The following SH2B3 variants were observed in gnomAD, a reference collection of about 807,000 sequenced individuals.
SH2B3 encodes the protein SH2B adaptor protein 3.
SH2B3 carries 43 observed loss-of-function variants against 51.9 expected under a neutral mutation model. The ratio of observed to expected loss-of-function variants is 0.83; its 90% CI spans 0.65 to 1.07. The LOEUF (loss-of-function observed/expected upper bound fraction) is 1.07. Ranked by LOEUF, SH2B3 falls within the 50% of genes least tolerant of loss-of-function variation. SH2B3 has a pLI of 0.00. For missense variants in SH2B3, 952 were observed against 834.3 expected (o/e 1.14, Z -1.74); for synonymous variants, 396 against 376.0 (o/e 1.05, Z -0.62).
chr12:111,418,610 A>C lies in SH2B3; in HGVS notation c.465A>C (p.Pro155=). The part of the protein sequence containing the change: ...IFRRRSAGEL[P]AAHTAAAPGT... ...GCCGCCGCTCGGCCGGGGAGCTGCC[A>C]GCGGCCCACACCGCTGCCGCCCCCG... The change falls in exon 2 of 8, where the codon CCA becomes CCC. Residue 155 remains proline (P), a synonymous_variant. Coordinates refer to ENST00000341259, the MANE Select transcript of SH2B3 (RefSeq NM_005475.3). This position sits in a 1 kb window ranked among gnomAD's most constrained non-coding sequence, Gnocchi z 6.7. 6.7e-7 allele frequency: 1 copy of C among 1,488,954 alleles called. No homozygotes were observed. Among genetic ancestry groups the C allele is most frequent in the African/African-American group, 1.5e-5 (1 of 68,274 alleles). 92.2% of individuals were successfully genotyped at this position (1,488,954 alleles called of 1,614,324 possible).
chr12:111,420,917 G>A (rs918811967), intron 2 of SH2B3, among the ~76,000 whole-genome samples: 9 of 152,198 alleles, frequency 5.9e-5, no homozygotes, highest in South Asian at 2.1e-4. Context: ...ACTGACTGTG[G>A]CGTAACATGC....
chr12:111,426,916 G>T (rs1679445947), intron 2 of SH2B3, among the ~76,000 whole-genome samples: 1 of 152,054 alleles, frequency 6.6e-6, no homozygotes. Flanking sequence ...CAAGCCCTTG[G>T]CCCCCTGCTG....
intron 2 of SH2B3, among the ~76,000 whole-genome samples, chr12:111,433,178 C>G (rs1270143395): frequency 6.6e-6 from 1 of 152,100 alleles, no homozygotes; most frequent in Non-Finnish European, 1.5e-5. Flanking sequence ...ATGGTGAAAC[C>G]CTGTCTCTAC....
intron 2 of SH2B3, among the ~76,000 whole-genome samples, chr12:111,430,320 C>T (rs1289197984): frequency 2.6e-5 from 4 of 152,186 alleles, no homozygotes; most frequent in African/African-American, 7.2e-5. Context: ...AACCCCCGAC[C>T]GCGCTGAAAC....
chr12:111,406,828 A>AG lies in SH2B3; in HGVS notation c.-28+553dup, dbSNP rs1870287593. ...CTGCACTGCCGAGGTCGACCGGGCC[A>AG]GGCCCCCGCATGCTGCTGAATTGGG... On this transcript the variant is annotated intron_variant, in intron 1 of 7. Transcript: ENST00000341259. This position sits in a 1 kb window ranked among gnomAD's most constrained non-coding sequence, Gnocchi z 5.7. Among the ~76,000 whole-genome samples the AG allele has an allele frequency of 6.6e-6, 1 of 152,160 alleles. No individual in the cohort carries two copies. Among genetic ancestry groups the AG allele is most frequent in the African/African-American group, 2.4e-5 (1 of 41,444 alleles).
At position 111,410,467 on chromosome 12, in the gene SH2B3, TG is replaced by T. The variant is rs1870610683; in HGVS notation, c.-28+4196del. 6.6e-6 allele frequency among the ~76,000 whole-genome samples: 1 copy of T among 152,050 alleles called. No homozygotes were observed. The highest frequency in any genetic ancestry group is 1.5e-5 in the Non-Finnish European group (1 of 67,970). ...AAAGGAAGAAGCCACGGCCTTGGGATGGGGGGCGTGCGGGATTCTGATGGTG... is the reference window on the plus strand; with the variant it reads ...AAAGGAAGAAGCCACGGCCTTGGGATGGGGGCGTGCGGGATTCTGATGGTG... On this transcript the variant is annotated intron_variant, in intron 1 of 7. Transcript: ENST00000341259. The surrounding 1 kb of genome is among the most constrained non-coding windows in gnomAD (Gnocchi z 4.9).
chr12:111,405,270 C>T (rs574117302), upstream of SH2B3, among the ~76,000 whole-genome samples: 1 of 152,272 alleles, frequency 6.6e-6, no homozygotes, highest in East Asian at 1.9e-4. This position sits in a 1 kb window ranked among gnomAD's most constrained non-coding sequence, Gnocchi z 5.4. Context: ...ATACGGGCAC[C>T]GGCTGTAGCA....
intron 1 of SH2B3, among the ~76,000 whole-genome samples, chr12:111,408,583 G>T (rs1870427327): frequency 6.6e-6 from 1 of 152,176 alleles, no homozygotes; most frequent in African/African-American, 2.4e-5. Flanking sequence ...CACTTGGAGG[G>T]ACCTCCTCGC....
rs2135628640 is a variant in SH2B3, at chr12:111,449,166, C to T, written c.*864C>T. On this transcript the variant is annotated 3_prime_UTR_variant, in exon 8 of 8. Transcript: ENST00000341259. ...AGGAGGGTGGCAAGAACAGTTCTATCCTGGTGCCTTACGAATAAAAAACTG... is the reference window on the plus strand; with the variant it reads ...AGGAGGGTGGCAAGAACAGTTCTATTCTGGTGCCTTACGAATAAAAAACTG... The T allele has an allele frequency of 3.3e-5, 5 of 152,738 alleles. No individual in the cohort carries two copies. Among genetic ancestry groups the T allele is most frequent in the Middle Eastern group, 3.4e-3 (1 of 294 alleles). 9.5% of individuals were successfully genotyped at this position (152,738 alleles called of 1,614,324 possible). A position where few individuals can be genotyped will look rare whatever the true frequency, so the allele number is the denominator to read the frequency against.
chr12:111,433,518 AT>A (rs1292323864), intron 2 of SH2B3, among the ~76,000 whole-genome samples: 12 of 152,240 alleles, frequency 7.9e-5, no homozygotes, highest in African/African-American at 2.9e-4. Context: ...CATCCCAGCC[AT>A]CTTAAAGGGT....
At position 111,435,243 on chromosome 12, in the gene SH2B3, T is replaced by C. The variant is rs1593060973; in HGVS notation, c.733-11510T>C. On this transcript the variant is annotated intron_variant, in intron 2 of 7. Transcript: ENST00000341259. The surrounding 1 kb of genome is among the most constrained non-coding windows in gnomAD (Gnocchi z 4.8). ...TTGTGGCAGGGGGATGGGCCGTCGG[T>C]GCCCCATTCAAGCCTGGGGACCTGG... Among the ~76,000 whole-genome samples the C allele has an allele frequency of 6.6e-6, 1 of 152,216 alleles. No individual in the cohort carries two copies. The highest frequency in any genetic ancestry group is 2.1e-4 in the South Asian group (1 of 4,826).
chr12:111,409,167 A>T lies in SH2B3; in HGVS notation c.-28+2890A>T, dbSNP rs1870481875. 6.6e-6 allele frequency among the ~76,000 whole-genome samples: 1 copy of T among 152,158 alleles called. No individual in the cohort carries two copies. The highest frequency in any genetic ancestry group is 2.4e-5 in the African/African-American group (1 of 41,436). On this transcript the variant is annotated intron_variant, in intron 1 of 7. Coordinates refer to ENST00000341259, the MANE Select transcript of SH2B3 (RefSeq NM_005475.3). The surrounding 1 kb of genome is among the most constrained non-coding windows in gnomAD (Gnocchi z 4.0). ...GGTTGGGTGTGTGAAGTACAGTGTCAGGACTGGAACTGTGTTGGCTGTACT... is the reference window on the plus strand; with the variant it reads ...GGTTGGGTGTGTGAAGTACAGTGTCTGGACTGGAACTGTGTTGGCTGTACT...
intron 2 of SH2B3, among the ~76,000 whole-genome samples, chr12:111,421,582 A>C (rs753883928): frequency 2.6e-5 from 4 of 151,066 alleles, no homozygotes; most frequent in Admixed American, 2.6e-4. Context: ...ACACCTGGCT[A>C]ATTTTTGTAT....
intron 2 of SH2B3, among the ~76,000 whole-genome samples, chr12:111,419,551 T>C (rs765870477): frequency 1.3e-5 from 2 of 151,680 alleles, no homozygotes; most frequent in African/African-American, 2.4e-5. Context: ...GTCAGGAGAA[T>C]CACTTGAACC....
At position 111,418,873 on chromosome 12, in the gene SH2B3, C is replaced by A; in HGVS notation, c.728C>A (p.Pro243His). ...PDRVLELFDP[P>H]KSSRPKLQAA... ...CGCGTGCTGGAGCTCTTCGACCCAC[C>A]CAAGGTAAGTAAGCCCTGCCCGCGG... Residue 243 changes from proline (P) to histidine (H), a missense_variant, in exon 2 of 8, where the codon CCC (proline) becomes CAC (histidine). Coordinates refer to ENST00000341259, the MANE Select transcript of SH2B3 (RefSeq NM_005475.3). The surrounding 1 kb of genome is among the most constrained non-coding windows in gnomAD (Gnocchi z 6.7). 1 of 1,406,798 alleles carries A rather than the reference C, an allele frequency of 7.1e-7. No individual in the cohort carries two copies. The highest frequency in any genetic ancestry group is 9.1e-7 in the Non-Finnish European group (1 of 1,093,942). The allele number at this position is 1,406,798 out of a possible 1,614,324, so 87.1% of individuals were successfully genotyped here. A position where few individuals can be genotyped will look rare whatever the true frequency, so the allele number is the denominator to read the frequency against.
chr12:111,423,244 G>A (rs11837210), intron 2 of SH2B3, among the ~76,000 whole-genome samples: 15,526 of 152,174 alleles, frequency 0.1, 2,653 homozygotes, highest in African/African-American at 0.35. Flanking sequence ...TTGGGAAAAC[G>A]CAAGCACAGA....
rs981175497 is a variant in SH2B3, at chr12:111,407,980, A to C, written c.-28+1703A>C. On this transcript the variant is annotated intron_variant, in intron 1 of 7. Coordinates refer to ENST00000341259, the MANE Select transcript of SH2B3 (RefSeq NM_005475.3). The surrounding 1 kb of genome is among the most constrained non-coding windows in gnomAD (Gnocchi z 4.3). ...GTGGAGATTTAATGAGCCAGTGTGT[A>C]ATGAGCACCTGCTGCCTGGCAAAGA... 6.6e-6 allele frequency among the ~76,000 whole-genome samples: 1 copy of C among 152,156 alleles called. No homozygotes were observed. Among genetic ancestry groups the C allele is most frequent in the East Asian group, 1.9e-4 (1 of 5,196 alleles).
chr12:111,415,380 G>C (rs774787752), intron 1 of SH2B3, among the ~76,000 whole-genome samples: 4 of 152,280 alleles, frequency 2.6e-5, no homozygotes, highest in Admixed American at 1.3e-4. Flanking sequence ...GTTCTGCACC[G>C]TGGACAGCAG....
At chr12:111,405,911 C>G (rs1329356265), upstream of SH2B3, 1 of 151,948 alleles carries the variant, frequency 6.6e-6, no homozygotes, top group African/African-American at 2.4e-5. The surrounding 1 kb of genome is among the most constrained non-coding windows in gnomAD (Gnocchi z 5.4). Context: ...CTCGCACGGC[C>G]GGTTCCTCTT....
Sources: allele counts gnomAD v4.1 joint callset (sites outside exome capture counted in the v4.1 genomes callset), GRCh38; gene constraint gnomAD v4.1.1; non-coding constraint Gnocchi (gnomAD v3.1); transcripts MANE v1.5; gene names NCBI Gene and HGNC (gene_info 2026-07-23, HGNC 2026-07-21).